PTPRD: variants seen among roughly 807,000 people sequenced by gnomAD.
The protein encoded by PTPRD is receptor-type tyrosine-protein phosphatase delta.
A neutral mutation model predicts 214.5 loss-of-function variants in PTPRD; 34 were observed. The ratio of observed to expected loss-of-function variants is 0.16; its 90% CI spans 0.12 to 0.21. The LOEUF is 0.21. Among genes scored for constraint, PTPRD ranks in the 10% least tolerant of loss-of-function variants. The pLI is 1.00. For synonymous variants in PTPRD, 1,128 were observed against 845.7 expected (o/e 1.33, Z -5.79); for missense variants, 2,545 against 2,398.7 (o/e 1.06, Z -1.27).
intron 14 of PTPRD, among the ~76,000 whole-genome samples, chr9:8,581,125 G>C (rs964203394): frequency 6.6e-6 from 1 of 152,062 alleles, no homozygotes; most frequent in South Asian, 2.1e-4. Flanking sequence ...GTTCTACCTG[G>C]AAGCTGGAAC....
chr9:9,138,585 G>A (rs1300737562), intron 10 of PTPRD, among the ~76,000 whole-genome samples: 1 of 152,064 alleles, frequency 6.6e-6, no homozygotes, highest in African/African-American at 2.4e-5. Flanking sequence ...AAAGTATAGT[G>A]TGTTCATTGT....
intron 5 of PTPRD, among the ~76,000 whole-genome samples, chr9:9,874,226 C>T (rs889128605): frequency 5.3e-5 from 8 of 152,142 alleles, no homozygotes; most frequent in Middle Eastern, 3.4e-3. Context: ...AGGCCGAAGA[C>T]GAGAGAGAGG....
At chr9:9,106,277 G>C (rs1414011421) in intron 10 of PTPRD, among the ~76,000 whole-genome samples, 1 of 151,752 alleles carries the variant, frequency 6.6e-6, no homozygotes, top group Non-Finnish European at 1.5e-5. Context: ...CACAGGATTT[G>C]GAAATGAAGG....
At chr9:9,414,051 T>G (rs1310532477) in intron 8 of PTPRD, among the ~76,000 whole-genome samples, 1 of 152,260 alleles carries the variant, frequency 6.6e-6, no homozygotes, top group Non-Finnish European at 1.5e-5. Context: ...CTATTGAGAA[T>G]TCACCTCCTA....
intron 10 of PTPRD, among the ~76,000 whole-genome samples, chr9:9,069,665 G>A (rs963598414): frequency 5.9e-5 from 9 of 152,148 alleles, no homozygotes; most frequent in Non-Finnish European, 8.8e-5. Context: ...GACCAGTGTC[G>A]TGCCTGACTC....
chr9:10,426,203 T>C (rs371989277), intron 2 of PTPRD, among the ~76,000 whole-genome samples: 2 of 152,028 alleles, frequency 1.3e-5, no homozygotes, highest in East Asian at 1.9e-4. Flanking sequence ...TCAGCAACTC[T>C]TGCTTTTTAA....
chr9:9,604,745 T>C (rs2094030747), intron 7 of PTPRD, among the ~76,000 whole-genome samples: 3 of 152,034 alleles, frequency 2.0e-5, no homozygotes, highest in Non-Finnish European at 4.4e-5. Flanking sequence ...TTTGACAAAG[T>C]CAAACATCAT....
chr9:9,612,335 C>T (rs1051742264), intron 7 of PTPRD, among the ~76,000 whole-genome samples: 1 of 152,052 alleles, frequency 6.6e-6, no homozygotes, highest in Admixed American at 6.6e-5. Flanking sequence ...AGCCCTCTGC[C>T]CTGCCACCCC....
chr9:9,634,763 A>G (rs1481115251), intron 7 of PTPRD, among the ~76,000 whole-genome samples: 1 of 152,166 alleles, frequency 6.6e-6, no homozygotes, highest in East Asian at 1.9e-4. Flanking sequence ...TTTTAATTTG[A>G]ATGTGTATAG....
chr9:9,002,956 C>G (rs1331663), intron 11 of PTPRD, among the ~76,000 whole-genome samples: 122,320 of 151,898 alleles, frequency 0.81, 49,650 homozygotes, highest in Middle Eastern at 0.92. Flanking sequence ...AAATGTTCAA[C>G]AATTTTGTGA....
chr9:10,217,817 T>C (rs1343449900), intron 3 of PTPRD, among the ~76,000 whole-genome samples: 1 of 151,804 alleles, frequency 6.6e-6, no homozygotes, highest in Admixed American at 6.6e-5. Flanking sequence ...AGGAGAATAA[T>C]GATTGTGGAA....
chr9:8,974,244 C>T (rs1279152483), intron 11 of PTPRD, among the ~76,000 whole-genome samples: 1 of 151,998 alleles, frequency 6.6e-6, no homozygotes, highest in East Asian at 1.9e-4. Flanking sequence ...AGGTAAAGAT[C>T]TAATTTCATT....
At chr9:9,675,780 G>A (rs1034890743) in intron 7 of PTPRD, among the ~76,000 whole-genome samples, 8 of 152,000 alleles carry the variant, frequency 5.3e-5, no homozygotes, top group Non-Finnish European at 8.8e-5. Flanking sequence ...TTTTAAAAGC[G>A]TCCCAATTCA....
At chr9:9,556,418 T>C (rs1453426072) in intron 8 of PTPRD, among the ~76,000 whole-genome samples, 2 of 152,102 alleles carry the variant, frequency 1.3e-5, no homozygotes, top group African/African-American at 4.8e-5. Flanking sequence ...AAAATTTACA[T>C]ATAAGTGGAC....
chr9:8,920,197 T>C (rs1305405846), intron 11 of PTPRD, among the ~76,000 whole-genome samples: 1 of 151,878 alleles, frequency 6.6e-6, no homozygotes, highest in African/African-American at 2.4e-5. Flanking sequence ...AAAAATTAGC[T>C]GGGTGTGGTG....
At chr9:8,713,931 T>C in intron 12 of PTPRD, 1 of 668,584 alleles carries the variant, frequency 1.5e-6, no homozygotes, top group Non-Finnish European at 2.5e-6. Flanking sequence ...GACGCATAAC[T>C]TGGAGGACCA....
chr9:9,329,721 A>T (rs1022608522), intron 9 of PTPRD, among the ~76,000 whole-genome samples: 1 of 152,178 alleles, frequency 6.6e-6, no homozygotes, highest in Non-Finnish European at 1.5e-5. Context: ...TACCATTATG[A>T]TTTAGAGGTT....
At chr9:8,407,298 G>A (rs966926944) in intron 35 of PTPRD, among the ~76,000 whole-genome samples, 3 of 152,144 alleles carry the variant, frequency 2.0e-5, no homozygotes, top group Non-Finnish European at 4.4e-5. Flanking sequence ...TTGTTACAAG[G>A]TAGGTATTGT....
At chr9:8,975,097 C>CAAA (rs35644783) in intron 11 of PTPRD, among the ~76,000 whole-genome samples, 38,154 of 115,560 alleles carry the variant, frequency 0.33, 6,173 homozygotes, top group Non-Finnish European at 0.4. Context: ...AACTCTGTCT[C>CAAA]AAAAAAAAAA....
Sources: allele counts gnomAD v4.1 joint callset (sites outside exome capture counted in the v4.1 genomes callset), GRCh38; gene constraint gnomAD v4.1.1; transcripts MANE v1.5; gene names NCBI Gene and HGNC (gene_info 2026-07-23, HGNC 2026-07-21).